Variants in CPS1 observed in about 807,000 individuals in gnomAD.
The protein encoded by CPS1 is carbamoyl-phosphate synthase 1, also known as carbamoyl-phosphate synthase [ammonia], mitochondrial.
CPS1 carries 109 observed loss-of-function variants against 174.6 expected under a neutral mutation model. The ratio of observed to expected loss-of-function variants is 0.62; its 90% CI spans 0.53 to 0.73. The LOEUF is 0.73. Ranked by LOEUF, CPS1 falls within the 30% of genes least tolerant of loss-of-function variation. CPS1 has a pLI of 0.00. For missense variants in CPS1, 1,689 were observed against 1,821.9 expected, an observed-to-expected ratio of 0.93 and a Z score of 1.33; for synonymous variants, 637 against 632.0, an observed-to-expected ratio of 1.01 and a Z score of -0.12.
rs1343108395 is a variant in CPS1 at position 210,616,439 on chromosome 2, T to C, written c.2585T>C (p.Met862Thr). 1 of 1,611,102 alleles carries C rather than the reference T, an allele frequency of 6.2e-7. No homozygotes were observed. Among genetic ancestry groups the C allele is most frequent in the Non-Finnish European group, 8.5e-7 (1 of 1,177,660 alleles). ...TCTTGGCAGGCCATTGATGACAACATGTCCCTTGATGAGATTGAGAAGCTC... is the reference window on the plus strand; with the variant it reads ...TCTTGGCAGGCCATTGATGACAACACGTCCCTTGATGAGATTGAGAAGCTC... ...YAIAKAIDDN[M>T]SLDEIEKLTY... The change falls in exon 21 of 38, where the codon ATG (methionine) becomes ACG (threonine). Residue 862 changes from methionine to threonine, a missense_variant. Physicochemically the swap from Met to Thr is moderately conservative, Grantham distance 81 (BLOSUM62 -1). Coordinates refer to ENST00000233072, the MANE Select transcript of CPS1 (RefSeq NM_001875.5).
intron 22 of CPS1, 136 bp downstream of exon 22, chr2:210,637,979 T>G: frequency 1.0e-6 from 1 of 970,616 alleles, no homozygotes; most frequent in South Asian, 1.4e-5. Flanking sequence ...CGGTTGATGC[T>G]CATAATGTCA....
chr2:210,553,050 C>A (rs1019720332), upstream of CPS1, among the ~76,000 whole-genome samples: 1 of 151,658 alleles, frequency 6.6e-6, no homozygotes, highest in Non-Finnish European at 1.5e-5. Flanking sequence ...AAATAGTAAT[C>A]AAATATGGCA....
chr2:210,531,172 G>C (rs1423381786), intron 1 of CPS1, among the ~76,000 whole-genome samples: 5 of 152,006 alleles, frequency 3.3e-5, no homozygotes, highest in Non-Finnish European at 7.4e-5. Flanking sequence ...CTTGTCGGCA[G>C]GTTGAGAGAT....
In CPS1 at chr2:210,590,990, T is replaced by C. The variant is rs78693997; in HGVS notation, c.947+84T>C. The C allele has an allele frequency of 2.0e-3, 1,772 of 890,064 alleles. 21 individuals carry two copies. The African/African-American group carries it at 0.026, about 13-fold the overall frequency. The allele number at this position is 890,064 out of a possible 1,614,324, so 55.1% of individuals were successfully genotyped here. On this transcript the variant is annotated intron_variant, in intron 9 of 37. Coordinates refer to ENST00000233072, the MANE Select transcript of CPS1 (RefSeq NM_001875.5). ...AAGAACTCAGAGCACTTACCTGCCATTTCTTTAGAGTAAATAAATGCACAT... is the reference window on the plus strand; with the variant it reads ...AAGAACTCAGAGCACTTACCTGCCACTTCTTTAGAGTAAATAAATGCACAT...
At chr2:210,576,632 G>A in intron 3 of CPS1, 142 bp downstream of exon 3, 1 of 915,972 alleles carries the variant, frequency 1.1e-6, no homozygotes, top group Non-Finnish European at 1.8e-6. Context: ...TTATTCCTAG[G>A]TACATGAGAA....
At chr2:210,507,704 C>T (rs1237334691) in intron 1 of CPS1, among the ~76,000 whole-genome samples, 4 of 150,346 alleles carry the variant, frequency 2.7e-5, no homozygotes, top group African/African-American at 4.9e-5. Context: ...AAATGGAAAA[C>T]AAAAAAAGGC....
At chr2:210,603,413 T>G (rs1352666700) in intron 16 of CPS1, among the ~76,000 whole-genome samples, 1 of 151,896 alleles carries the variant, frequency 6.6e-6, no homozygotes, top group South Asian at 2.1e-4. Flanking sequence ...TCTAAAGTTG[T>G]GAAAATTACA....
At chr2:210,477,725 C>G (rs746792298) in exon 1 of CPS1, 1 of 1,612,646 alleles carries the variant, frequency 6.2e-7, no homozygotes, top group East Asian at 2.2e-5. Flanking sequence ...TAGTTGCTTT[C>G]TTAACCTCAT....
intron 21 of CPS1, among the ~76,000 whole-genome samples, chr2:210,632,741 A>G (rs1489493667): frequency 6.6e-6 from 1 of 152,242 alleles, no homozygotes; most frequent in African/African-American, 2.4e-5. Context: ...TTTCATGATC[A>G]TGTCTAAAGA....
intron 1 of CPS1, among the ~76,000 whole-genome samples, chr2:210,508,799 T>G (rs574958820): frequency 6.6e-6 from 1 of 152,064 alleles, no homozygotes; most frequent in East Asian, 1.9e-4. Flanking sequence ...ATAAATTCCT[T>G]GACACATACA....
At chr2:210,513,999 G>T (rs1047157761) in intron 1 of CPS1, among the ~76,000 whole-genome samples, 1 of 151,090 alleles carries the variant, frequency 6.6e-6, no homozygotes, top group African/African-American at 2.4e-5. Flanking sequence ...ATGGCTGTAC[G>T]TGGCACTGTT....
chr2:210,535,190 TA>T (rs1187087914), intron 1 of CPS1, among the ~76,000 whole-genome samples: 1 of 152,230 alleles, frequency 6.6e-6, no homozygotes, highest in East Asian at 1.9e-4. Context: ...GCCTGAAACA[TA>T]CCCCAGCTTT....
chr2:210,557,216 G>A (rs1696942268), intron 1 of CPS1, among the ~76,000 whole-genome samples: 1 of 152,056 alleles, frequency 6.6e-6, no homozygotes, highest in Non-Finnish European at 1.5e-5. Flanking sequence ...ATATGTGTGT[G>A]AGCCACATTA....
Position 210,592,896 on chromosome 2 carries a change from C to A in CPS1, c.1104C>A (p.Ser368Arg). The stretch of plus-strand genomic sequence containing the variant: ...TCCTTTAGGGGATTATGCATGAGAG[C>A]AAACCCTTCTTCGCTGTGCAGTTCC... ...DQTNEGIMHE[S>R]KPFFAVQFHP... The change falls in exon 11 of 38, where the codon AGC becomes AGA. Residue 368 changes from serine to arginine, a missense_variant. Transcript: ENST00000233072. The A allele has an allele frequency of 6.2e-7, 1 of 1,612,334 alleles. No individual in the cohort carries two copies. Among genetic ancestry groups the A allele is most frequent in the Non-Finnish European group, 8.5e-7 (1 of 1,178,944 alleles).
At chr2:210,555,222 C>A (rs1242428798), upstream of CPS1, among the ~76,000 whole-genome samples, 1 of 152,134 alleles carries the variant, frequency 6.6e-6, no homozygotes. Flanking sequence ...CACGGCATCC[C>A]TTCTGGGTTT....
At chr2:210,613,948 G>A (rs1476208498) in intron 20 of CPS1, among the ~76,000 whole-genome samples, 1 of 151,896 alleles carries the variant, frequency 6.6e-6, no homozygotes, top group Non-Finnish European at 1.5e-5. Context: ...TTGACAGAGA[G>A]TGTAAGGACG....
chr2:210,659,314 C>A (rs1700834900), intron 31 of CPS1, among the ~76,000 whole-genome samples: 1 of 151,874 alleles, frequency 6.6e-6, no homozygotes, highest in Admixed American at 6.6e-5. Context: ...AGGGAGTGGG[C>A]AGGTGCAGAG....
chr2:210,477,757 G>C (rs1407237893), exon 1 of CPS1: 2 of 1,613,312 alleles, frequency 1.2e-6, no homozygotes, highest in African/African-American at 2.7e-5. Context: ...AGATTTAGCC[G>C]AGGCCCATGG....
At chr2:210,510,509 G>T (rs1044779231) in intron 1 of CPS1, among the ~76,000 whole-genome samples, 1 of 152,170 alleles carries the variant, frequency 6.6e-6, no homozygotes, top group Admixed American at 6.6e-5. Flanking sequence ...CAAAGCAATG[G>T]CAACAAAAGC....
Sources: allele counts gnomAD v4.1 joint callset (sites outside exome capture counted in the v4.1 genomes callset), GRCh38; gene constraint gnomAD v4.1.1; transcripts MANE v1.5; gene names NCBI Gene and HGNC (gene_info 2026-07-23, HGNC 2026-07-21).